VWCE: variants seen among roughly 807,000 people sequenced by gnomAD.
VWCE encodes von Willebrand factor C and EGF domains.
A neutral mutation model predicts 102.9 loss-of-function variants in VWCE; 68 were observed. The observed-to-expected ratio is 0.66, with a 90% CI of 0.54 to 0.81. VWCE has a LOEUF of 0.81. Among genes scored for constraint, VWCE ranks in the 30% least tolerant of loss-of-function variants. The pLI is 0.00. For synonymous variants in VWCE, 497 were observed against 515.4 expected (o/e 0.96, Z 0.48); for missense variants, 1,137 against 1,263.6 (o/e 0.90, Z 1.52).
chr11:61,280,244 G>A (rs1313376832), intron 9 of VWCE, among the ~76,000 whole-genome samples: 1 of 152,040 alleles, frequency 6.6e-6, no homozygotes, highest in African/African-American at 2.4e-5. Context: ...CAGGAGAAGG[G>A]GACTGCACAG....
At position 61,294,305 on chromosome 11, in the gene VWCE, T is replaced by C. The variant is rs372755379; in HGVS notation, c.110+623A>G. On this transcript the variant is annotated intron_variant, in intron 1 of 19. Transcript: ENST00000335613. This position sits in a 1 kb window ranked among gnomAD's most constrained non-coding sequence, Gnocchi z 6.3. ...CGTGGCCGCGGGCCAGGCCGCCTGC[T>C]GACACAGTGTTCCCTAGCTCCGAGC... Among the ~76,000 whole-genome samples, 335 of 152,268 alleles carry C rather than the reference T, an allele frequency of 2.2e-3. 5 individuals are homozygous for C. The highest frequency in any genetic ancestry group is 7.2e-3 in the African/African-American group (299 of 41,562).
Position 61,274,523 on chromosome 11 carries a change from G to A in VWCE, c.1557C>T (p.Asp519=), listed in dbSNP as rs554035896. ...CCTGGCAAACACAGGTGGTACACTCGTCACCACCCCCACTGAACACAGCCC... is the reference window on the plus strand; with the variant it reads ...CCTGGCAAACACAGGTGGTACACTCATCACCACCCCCACTGAACACAGCCC... ...ADGAVFSGGG[D]ECTTCVCQNG... is the part of the protein sequence containing the mutation. The change falls in exon 12 of 20, where the codon GAC becomes GAT. Residue 519 remains aspartate, a synonymous_variant. Coordinates refer to ENST00000335613, the MANE Select transcript of VWCE (RefSeq NM_152718.2). 265 of 1,613,298 alleles carry A rather than the reference G, an allele frequency of 1.6e-4. 1 individual carries two copies. The highest frequency in any genetic ancestry group is 1.6e-3 in the South Asian group (144 of 90,836).
At chr11:61,280,403 G>A (rs1020151971) in intron 9 of VWCE, among the ~76,000 whole-genome samples, 15 of 151,996 alleles carry the variant, frequency 9.9e-5, no homozygotes, top group Admixed American at 3.3e-4. Context: ...GACCAGCCAC[G>A]TCAGTATCAC....
chr11:61,292,742 G>A (rs557627787), intron 1 of VWCE, among the ~76,000 whole-genome samples: 1 of 152,272 alleles, frequency 6.6e-6, no homozygotes, highest in South Asian at 2.1e-4. Context: ...GGGCAGACCA[G>A]GAGCTAGGTG....
Position 61,280,656 on chromosome 11 carries a change from G to C in VWCE, c.1292C>G (p.Ser431Cys), listed in dbSNP as rs1565225814. The C allele has an allele frequency of 6.2e-7, 1 of 1,614,056 alleles. No individual in the cohort carries two copies. The highest frequency in any genetic ancestry group is 8.5e-7 in the Non-Finnish European group (1 of 1,180,016). ...CEAACSHPIP[S>C]RDGGCCPSCT... ...CGATGGGCAGCACCCACCATCTCTGGAGGGAATTGGGTGGGAACAAGCAGC... is the reference window on the plus strand; with the variant it reads ...CGATGGGCAGCACCCACCATCTCTGCAGGGAATTGGGTGGGAACAAGCAGC... Residue 431 changes from serine (S) to cysteine (C), a missense_variant, in exon 9 of 20, where the codon TCC becomes TGC. Around this residue, in one of 5 missense-constraint regions of VWCE, gnomAD observed 575 missense variants for 625.9 expected, o/e 0.92. Transcript: ENST00000335613.
chr11:61,281,219 C>CA lies in VWCE; in HGVS notation c.803dup (p.Leu269AlafsTer22). 1 of 1,612,574 alleles carries CA rather than the reference C, an allele frequency of 6.2e-7. No homozygotes were observed. Among genetic ancestry groups the CA allele is most frequent in the Non-Finnish European group, 8.5e-7 (1 of 1,179,968 alleles). ...GTTGCAGGATGGCAGATGGGGCCAG[C>CA]ACGGCTTTCGGGAAAGCTGAAACAG... is the stretch of plus-strand genomic sequence containing the variant. On this transcript the variant is annotated frameshift_variant, in exon 8 of 20. Coordinates refer to ENST00000335613, the MANE Select transcript of VWCE (RefSeq NM_152718.2). LOFTEE classifies it high-confidence loss of function.
intron 16 of VWCE, 84 bp from the exon 17 acceptor site, chr11:61,265,296 G>T: frequency 8.2e-7 from 1 of 1,226,478 alleles, no homozygotes; most frequent in Non-Finnish European, 1.1e-6. Flanking sequence ...TATAGCCACT[G>T]AGTGTCCATC....
Position 61,274,600 on chromosome 11 carries a change from G to A in VWCE, c.1496-16C>T. On this transcript the variant is annotated splice_polypyrimidine_tract_variant and intron_variant, in intron 11 of 19. Coordinates refer to ENST00000335613, the MANE Select transcript of VWCE (RefSeq NM_152718.2). ...TAGCATCTCACTGCAGAGGAGAAAG[G>A]GAGAAGCAACTCAAGGTCTTTGGGC... The A allele has an allele frequency of 6.2e-7, 1 of 1,612,928 alleles. No homozygotes were observed. Among genetic ancestry groups the A allele is most frequent in the Non-Finnish European group, 8.5e-7 (1 of 1,179,350 alleles).
Position 61,258,401 on chromosome 11 carries a change from T to C in VWCE, c.*274A>G, listed in dbSNP as rs912157788. 2 of 312,968 alleles carry C rather than the reference T, an allele frequency of 6.4e-6. No individual in the cohort carries two copies. Among genetic ancestry groups the C allele is most frequent in the Non-Finnish European group, 1.2e-5 (2 of 172,432 alleles). 19.4% of individuals were successfully genotyped at this position (312,968 alleles called of 1,614,324 possible). A position where few individuals can be genotyped will look rare whatever the true frequency, so the allele number is the denominator to read the frequency against. ...ACGCAACTCTTCCTCCAGGAGAACTTGGCAGTCCCAACCCTTCTCAAAAGA... is the reference window on the plus strand; with the variant it reads ...ACGCAACTCTTCCTCCAGGAGAACTCGGCAGTCCCAACCCTTCTCAAAAGA... On this transcript the variant is annotated 3_prime_UTR_variant, in exon 20 of 20. Transcript: ENST00000335613.
At chr11:61,263,161 G>C (rs1854407613) in intron 19 of VWCE, among the ~76,000 whole-genome samples, 1 of 152,138 alleles carries the variant, frequency 6.6e-6, no homozygotes, top group Non-Finnish European at 1.5e-5. Context: ...ACAAAAATTA[G>C]CCGGGCATGG....
At chr11:61,265,082 G>A in intron 17 of VWCE, 40 bp downstream of exon 17, 1 of 1,613,836 alleles carries the variant, frequency 6.2e-7, no homozygotes, top group South Asian at 1.1e-5. Flanking sequence ...GCCGAGGCCT[G>A]GCCGGGAACC....
At position 61,259,309 on chromosome 11, in the gene VWCE, G is replaced by T. The variant is rs1404766192; in HGVS notation, c.2234C>A (p.Ser745Tyr). The change falls in exon 20 of 20, where the codon TCC (serine) becomes TAC (tyrosine). Residue 745 changes from serine (S) to tyrosine (Y), a missense_variant. Physicochemically the swap from Ser to Tyr is moderately radical, Grantham distance 144. Coordinates refer to ENST00000335613, the MANE Select transcript of VWCE (RefSeq NM_152718.2). ...PGDCCSSCPD[S>Y]LSPLEEKQGL... is the part of the protein sequence containing the mutation. ...CTGCTTTTCTTCCAGAGGAGACAGG[G>T]AATCTAGAGAGACGAGGGTGAAACG... 2 of 1,571,566 alleles carry T rather than the reference G, an allele frequency of 1.3e-6. No homozygotes were observed. Among genetic ancestry groups the T allele is most frequent in the East Asian group, 4.5e-5 (2 of 44,560 alleles).
chr11:61,277,772 C>A (rs899691271), intron 10 of VWCE, among the ~76,000 whole-genome samples: 3 of 152,034 alleles, frequency 2.0e-5, no homozygotes, highest in Admixed American at 6.6e-5. Flanking sequence ...CTGCTGGGAG[C>A]CTCGGTGAAG....
In VWCE at chr11:61,282,787, A is replaced by G; in HGVS notation, c.658+2T>C. The G allele has an allele frequency of 6.2e-7, 1 of 1,613,456 alleles. No homozygotes were observed. The highest frequency in any genetic ancestry group is 8.5e-7 in the Non-Finnish European group (1 of 1,179,482). The stretch of plus-strand genomic sequence containing the variant: ...CAGACCACAGGGTCCTCCCCGCCTT[A>G]CCTACACAGGAGTGCCGGTTGCCAT... On this transcript the variant is annotated splice_donor_variant, in intron 6 of 19. Transcript: ENST00000335613. LOFTEE classifies it high-confidence loss of function.
intron 13 of VWCE, among the ~76,000 whole-genome samples, chr11:61,272,719 GACGCACACT>G (rs1430788528): frequency 6.7e-6 from 1 of 150,228 alleles, no homozygotes; most frequent in Non-Finnish European, 1.5e-5. Flanking sequence ...TGCTCACACA[GACGCACACT>G]ACTCACACAC....
rs750031477 is a variant in VWCE, at chr11:61,264,522, G to T, written c.2195C>A (p.Ala732Asp). ...VPCQRACADP[A>D]LLPGDCCSSC... ...AGAGCAGCAGTCCCCAGGAAGCAGG[G>T]CAGGGTCGGCACAGGCCCGCTGGCA... The change falls in exon 19 of 20, where the codon GCC becomes GAC. Residue 732 changes from alanine (A) to aspartate (D), a missense_variant. Transcript: ENST00000335613. 3.1e-6 allele frequency: 5 copies of T among 1,613,530 alleles called. No homozygotes were observed. The highest frequency in any genetic ancestry group is 3.4e-6 in the Non-Finnish European group (4 of 1,179,832).
At chr11:61,284,435 C>T (rs1003808144) in intron 5 of VWCE, among the ~76,000 whole-genome samples, 4 of 152,150 alleles carry the variant, frequency 2.6e-5, no homozygotes, top group African/African-American at 9.7e-5. Context: ...CATGTACGTA[C>T]GTACACATCA....
rs144289274 is a variant in VWCE, at chr11:61,268,834, G to C, written c.1882+88C>G. On this transcript the variant is annotated intron_variant, in intron 15 of 19. Transcript: ENST00000335613. Reference sequence around the variant, plus strand: ...GGTTGTCCCTTGGGGTTGTTAGGACGACATGAGATGAAGGCTGTATAGGGC... The same window carrying C: ...GGTTGTCCCTTGGGGTTGTTAGGACCACATGAGATGAAGGCTGTATAGGGC... 244 of 1,346,768 alleles carry C rather than the reference G, an allele frequency of 1.8e-4. 1 individual carries two copies. In the Middle Eastern group the frequency reaches 2.2e-3, roughly 12 times the overall value. The allele number at this position is 1,346,768 out of a possible 1,614,324, so 83.4% of individuals were successfully genotyped here.
At position 61,267,547 on chromosome 11, in the gene VWCE, G is replaced by T. The variant is rs1249884569; in HGVS notation, c.1883-3C>A. On this transcript the variant is annotated splice_polypyrimidine_tract_variant and splice_region_variant and intron_variant, in intron 15 of 19. Coordinates refer to ENST00000335613, the MANE Select transcript of VWCE (RefSeq NM_152718.2). ...GATTCTGCCTGTGTAGGTGCAGCCTGCCAGAGAGAGCATGCGCTGAGCACC... is the reference window on the plus strand; with the variant it reads ...GATTCTGCCTGTGTAGGTGCAGCCTTCCAGAGAGAGCATGCGCTGAGCACC... 1.9e-6 allele frequency: 3 copies of T among 1,614,094 alleles called. No homozygotes were observed. In the South Asian group the frequency reaches 3.3e-5, roughly 18 times the overall value.
Sources: gnomAD v4.1 joint callset for allele counts (sites outside exome capture counted in the v4.1 genomes callset) on GRCh38, gnomAD v4.1.1 for gene constraint, gnomAD v4.1.1 regional missense constraint, Gnocchi (gnomAD v3.1) non-coding constraint, MANE v1.5 for transcripts, NCBI Gene and HGNC (gene_info 2026-07-23, HGNC 2026-07-21) for gene names.